Variants in CADM2 observed in about 807,000 individuals in gnomAD.
The protein encoded by CADM2 is cell adhesion molecule 2.
In CADM2, 12 loss-of-function variants were observed where a neutral mutation model predicts 49.8. The observed-to-expected ratio is 0.24, with a 90% confidence interval of 0.15 to 0.39. The LOEUF (loss-of-function observed/expected upper bound fraction) is 0.39, where lower values mean the gene tolerates loss of function less well. Ranked by LOEUF, CADM2 falls within the 10% of genes least tolerant of loss-of-function variation. The pLI is 1.00. For missense variants in CADM2, 378 were observed against 492.3 expected (o/e 0.77, Z 2.20); for synonymous variants, 214 against 175.4 (o/e 1.22, Z -1.74).
chr3:85,944,377 A>G (rs1029379541), intron 7 of CADM2, among the ~76,000 whole-genome samples: 3 of 152,102 alleles, frequency 2.0e-5, no homozygotes, highest in African/African-American at 7.2e-5. Flanking sequence ...ACAGAAAGTT[A>G]ACAGGGATAT....
At chr3:85,693,295 A>T (rs2066441908) in intron 1 of CADM2, among the ~76,000 whole-genome samples, 2 of 151,976 alleles carry the variant, frequency 1.3e-5, no homozygotes, top group Admixed American at 1.3e-4. Context: ...AAAGAAAGAA[A>T]AGAGGCCTGG....
At chr3:85,518,540 C>G (rs889682408) in intron 1 of CADM2, among the ~76,000 whole-genome samples, 3 of 151,694 alleles carry the variant, frequency 2.0e-5, no homozygotes, top group African/African-American at 7.3e-5. Context: ...TGTTTTCTTT[C>G]ACAGTTCTGG....
At chr3:85,541,711 T>TA (rs201168984) in intron 1 of CADM2, among the ~76,000 whole-genome samples, 5 of 37,988 alleles carry the variant, frequency 1.3e-4, no homozygotes, top group Non-Finnish European at 3.2e-4. Flanking sequence ...TATATATATA[T>TA]TTTATATTAT....
chr3:85,850,829 C>G (rs1307147844), intron 3 of CADM2, among the ~76,000 whole-genome samples: 1 of 152,102 alleles, frequency 6.6e-6, no homozygotes, highest in Non-Finnish European at 1.5e-5. Context: ...AAGATTTCTT[C>G]CAATATGTTT....
At chr3:85,019,022 A>G (rs550332771) in intron 1 of CADM2, among the ~76,000 whole-genome samples, 35 of 152,294 alleles carry the variant, frequency 2.3e-4, no homozygotes, top group African/African-American at 7.9e-4. Context: ...TCAGAAGTGT[A>G]CACATCATTC....
chr3:85,845,245 C>A (rs1022365996), intron 3 of CADM2, among the ~76,000 whole-genome samples: 2 of 151,732 alleles, frequency 1.3e-5, no homozygotes, highest in Admixed American at 1.3e-4. Context: ...TCTGGCATGG[C>A]TCTCACAAGA....
At chr3:84,977,934 G>A (rs13082518) in intron 1 of CADM2, among the ~76,000 whole-genome samples, 36,162 of 151,910 alleles carry the variant, frequency 0.24, 5,389 homozygotes, top group Non-Finnish European at 0.34. Flanking sequence ...CATTCTGGGG[G>A]AACCGTATTC....
chr3:85,821,080 T>C (rs999706027), intron 3 of CADM2, among the ~76,000 whole-genome samples: 3 of 152,120 alleles, frequency 2.0e-5, no homozygotes, highest in African/African-American at 4.8e-5. Flanking sequence ...CCTATCCTTA[T>C]TATACAAATC....
chr3:85,830,311 T>C (rs953148698), intron 3 of CADM2, among the ~76,000 whole-genome samples: 1 of 151,974 alleles, frequency 6.6e-6, no homozygotes, highest in Non-Finnish European at 1.5e-5. Context: ...TGGCCATTTG[T>C]AGGTCTGCTT....
At chr3:85,247,869 A>G (rs1363266129) in intron 1 of CADM2, among the ~76,000 whole-genome samples, 1 of 152,192 alleles carries the variant, frequency 6.6e-6, no homozygotes, top group Non-Finnish European at 1.5e-5. Flanking sequence ...GGTACAACAG[A>G]GATGCTAGTT....
intron 1 of CADM2, among the ~76,000 whole-genome samples, chr3:85,089,853 T>A (rs1180814471): frequency 6.6e-6 from 1 of 152,174 alleles, no homozygotes; most frequent in African/African-American, 2.4e-5. Flanking sequence ...CTGAAAAATG[T>A]TCCTTTTTCT....
At chr3:85,548,298 C>G (rs2061715424) in intron 1 of CADM2, among the ~76,000 whole-genome samples, 1 of 61,440 alleles carries the variant, frequency 1.6e-5, no homozygotes, top group African/African-American at 3.3e-5. Context: ...ATTTCACGTT[C>G]TTTCATTGGG....
chr3:85,444,587 C>A (rs181278535), intron 1 of CADM2, among the ~76,000 whole-genome samples: 1 of 151,920 alleles, frequency 6.6e-6, no homozygotes, highest in South Asian at 2.1e-4. Flanking sequence ...ATAGAGCTTT[C>A]GTGACCACCT....
intron 1 of CADM2, among the ~76,000 whole-genome samples, chr3:85,571,923 C>A (rs765783749): frequency 1.3e-5 from 2 of 152,146 alleles, no homozygotes; most frequent in Non-Finnish European, 2.9e-5. Context: ...TTGACATTGC[C>A]TATGTTAAAA....
intron 1 of CADM2, among the ~76,000 whole-genome samples, chr3:85,452,168 G>C (rs928802467): frequency 2.0e-5 from 3 of 152,060 alleles, no homozygotes; most frequent in Middle Eastern, 3.2e-3. Flanking sequence ...GAATAGTACT[G>C]TGTTGTTGGG....
intron 7 of CADM2, among the ~76,000 whole-genome samples, chr3:85,940,927 G>A (rs111285941): frequency 0.013 from 1,788 of 142,598 alleles, 37 homozygotes; most frequent in African/African-American, 0.05. Flanking sequence ...CTATACCCCC[G>A]TCCTCACCCA....
At chr3:86,023,532 A>G (rs141228953) in intron 8 of CADM2, among the ~76,000 whole-genome samples, 2,351 of 151,774 alleles carry the variant, frequency 0.015, 19 homozygotes, top group Non-Finnish European at 0.02. Flanking sequence ...CTAATTTTGT[A>G]TTTTTAGTAG....
intron 8 of CADM2, among the ~76,000 whole-genome samples, chr3:85,987,438 G>A (rs1184786226): frequency 6.6e-6 from 1 of 151,112 alleles, no homozygotes; most frequent in African/African-American, 2.4e-5. Context: ...ATTTAGAAGT[G>A]TCTTAATTGA....
intron 1 of CADM2, among the ~76,000 whole-genome samples, chr3:85,689,530 C>G (rs1225992741): frequency 6.6e-6 from 1 of 151,988 alleles, no homozygotes; most frequent in Non-Finnish European, 1.5e-5. Flanking sequence ...GGACGGTTTA[C>G]CAGAGAAGAA....
Sources: allele counts gnomAD v4.1 joint callset (sites outside exome capture counted in the v4.1 genomes callset), GRCh38; gene constraint gnomAD v4.1.1; transcripts MANE v1.5; gene names NCBI Gene and HGNC (gene_info 2026-07-23, HGNC 2026-07-21).